The following LGALS12 variants were observed in gnomAD, a reference collection of about 807,000 sequenced individuals.
LGALS12 encodes galectin-12.
Under a neutral mutation model 36.8 loss-of-function variants are expected in LGALS12, and 36 were observed. The observed-to-expected ratio is 0.98, with a 90% CI of 0.75 to 1.29. The LOEUF is 1.29. Ranked by LOEUF, LGALS12 falls within the 50% of genes most tolerant of loss-of-function variation. LGALS12 has a pLI of 0.00. For synonymous variants in LGALS12, 145 were observed against 155.9 expected (o/e 0.93, Z 0.52); for missense variants, 366 against 394.3 (o/e 0.93, Z 0.61).
Position 63,508,559 on chromosome 11 carries a change from C to G in LGALS12, c.76C>G (p.Pro26Ala). 6.2e-7 allele frequency: 1 copy of G among 1,614,156 alleles called. No individual in the cohort carries two copies. Among genetic ancestry groups the G allele is most frequent in the Non-Finnish European group, 8.5e-7 (1 of 1,180,020 alleles). Residue 26 changes from proline (P) to alanine (A), a missense_variant, in exon 2 of 9, where the codon CCT (proline) becomes GCT (alanine). Transcript: ENST00000394618. ...LQPPVFHPVVPYVTTIFGGLH... is the reference protein window; with the variant it reads ...LQPPVFHPVVAYVTTIFGGLH... ...AGTTTCTTTTCTTGTTCAGGTGGTT[C>G]CTTATGTCACGACGATTTTTGGAGG...
chr11:63,509,649 A>G, intron 3 of LGALS12, 129 bp from the exon 4 acceptor site: 1 of 918,544 alleles, frequency 1.1e-6, no homozygotes, highest in Non-Finnish European at 1.7e-6. Context: ...AAATGTACCT[A>G]CCTCATAGAG....
intron 1 of LGALS12, chr11:63,508,172 C>A: frequency 1.9e-6 from 2 of 1,073,956 alleles, no homozygotes; most frequent in Admixed American, 4.9e-5. Context: ...TAGTCTCCAG[C>A]CACTCAACAG....
chr11:63,512,892 C>T (rs529760777), intron 7 of LGALS12, among the ~76,000 whole-genome samples: 32 of 152,002 alleles, frequency 2.1e-4, no homozygotes, highest in African/African-American at 7.0e-4. Flanking sequence ...AATGTGGGTA[C>T]TACTGCAATC....
At chr11:63,515,471 C>A in intron 7 of LGALS12, 92 bp from the exon 8 acceptor site, 1 of 1,462,468 alleles carries the variant, frequency 6.8e-7, no homozygotes, top group Admixed American at 1.9e-5. Context: ...ACCTTCCATC[C>A]ACTCCCTGAC....
chr11:63,514,051 A>G (rs1327500061), intron 7 of LGALS12, among the ~76,000 whole-genome samples: 2 of 152,186 alleles, frequency 1.3e-5, no homozygotes, highest in Non-Finnish European at 2.9e-5. Flanking sequence ...TCCACTCTCC[A>G]GGGTTCCTGC....
At position 63,506,230 on chromosome 11, in the gene LGALS12, A is replaced by C; in HGVS notation, c.-229A>C. 1.4e-6 allele frequency: 1 copy of C among 703,608 alleles called. No individual in the cohort carries two copies. The highest frequency in any genetic ancestry group is 2.7e-5 in the East Asian group (1 of 36,452). 43.6% of individuals were successfully genotyped at this position (703,608 alleles called of 1,614,324 possible). Reference sequence around the variant, plus strand: ...TTCTGCTGACAGCCCCCGCCCAGCCAGAGCTCTGCTGTATACCACCGGGAG... The same window carrying C: ...TTCTGCTGACAGCCCCCGCCCAGCCCGAGCTCTGCTGTATACCACCGGGAG... On this transcript the variant is annotated 5_prime_UTR_variant, in exon 1 of 9. Coordinates refer to ENST00000394618, the MANE Select transcript of LGALS12 (RefSeq NM_033101.4).
Position 63,508,643 on chromosome 11 carries a change from T to C in LGALS12, c.158+2T>C. 1.9e-6 allele frequency: 3 copies of C among 1,613,962 alleles called. No homozygotes were observed. The highest frequency in any genetic ancestry group is 2.5e-6 in the Non-Finnish European group (3 of 1,179,980). On this transcript the variant is annotated splice_donor_variant, in intron 2 of 8. Transcript: ENST00000394618. LOFTEE classifies it high-confidence loss of function. Reference sequence around the variant, plus strand: ...AGTGGTCCCTCTAGATGCACACAGGTAAGGCGGGGGAGGTGGCCCAGGGGG... The same window carrying C: ...AGTGGTCCCTCTAGATGCACACAGGCAAGGCGGGGGAGGTGGCCCAGGGGG...
At chr11:63,511,972 A>T (rs1331634281) in intron 7 of LGALS12, 132 bp downstream of exon 7, 1 of 710,820 alleles carries the variant, frequency 1.4e-6, no homozygotes, top group Non-Finnish European at 2.5e-6. Flanking sequence ...GAAACAGAGG[A>T]GCAGAAAGGA....
In LGALS12 at chr11:63,506,323, G is replaced by A. The variant is rs539075308; in HGVS notation, c.-136G>A. 1.2e-4 allele frequency: 186 copies of A among 1,592,498 alleles called. No homozygotes were observed. The African/African-American group carries it at 1.7e-3, about 14-fold the overall frequency. Reference sequence around the variant, plus strand: ...GGGCTGCTCCAGACAGCATTAAAACGCTGCAGGTCGCAGGTGAGACTAACA... The same window carrying A: ...GGGCTGCTCCAGACAGCATTAAAACACTGCAGGTCGCAGGTGAGACTAACA... On this transcript the variant is annotated 5_prime_UTR_variant, in exon 1 of 9. Transcript: ENST00000394618.
chr11:63,508,797 T>C lies in LGALS12; in HGVS notation c.178T>C (p.Cys60Arg), dbSNP rs139877987. Residue 60 changes from cysteine (C) to arginine (R), a missense_variant, in exon 3 of 9, where the codon TGT becomes CGT. Cys to Arg is a radical substitution (Grantham distance 180). Transcript: ENST00000394618. ...CAGTAGGTTTCAGGTGGACTTCCAG[T>C]GTGGCTGCAGCCTGTGTCCCCGGCC... ...DAHRFQVDFQ[C>R]GCSLCPRPDI... 9.4e-5 allele frequency: 151 copies of C among 1,614,046 alleles called. No individual in the cohort carries two copies. The highest frequency in any genetic ancestry group is 1.1e-4 in the Non-Finnish European group (135 of 1,180,020).
chr11:63,508,481 C>G (rs898005837), intron 1 of LGALS12, 72 bp from the exon 2 acceptor site: 22 of 1,589,368 alleles, frequency 1.4e-5, no homozygotes, highest in Admixed American at 1.9e-5. Context: ...TCCTTTCCTC[C>G]CACTCGCCTG....
At position 63,506,143 on chromosome 11, in the gene LGALS12, G is replaced by C. The variant is rs528005558; in HGVS notation, c.-316G>C. The stretch of plus-strand genomic sequence containing the variant: ...TGGCTTCTCTCTGCAATGGCCATGT[G>C]CTGCAGACCCGGAGTGGGTAGTTAG... On this transcript the variant is annotated 5_prime_UTR_variant, in exon 1 of 9. Coordinates refer to ENST00000394618, the MANE Select transcript of LGALS12 (RefSeq NM_033101.4). 3 of 486,582 alleles carry C rather than the reference G, an allele frequency of 6.2e-6. No homozygotes were observed. The highest frequency in any genetic ancestry group is 1.1e-5 in the Non-Finnish European group (3 of 270,030). The allele number at this position is 486,582 out of a possible 1,614,324, so 30.1% of individuals were successfully genotyped here.
chr11:63,511,766 A>G lies in LGALS12; in HGVS notation c.573A>G (p.Ser191=). 6.2e-7 allele frequency: 1 copy of G among 1,613,424 alleles called. No homozygotes were observed. Among genetic ancestry groups the G allele is most frequent in the Non-Finnish European group, 8.5e-7 (1 of 1,179,662 alleles). The part of the protein sequence containing the change: ...LMSPRLEVPC[S]HALPQGLSPG... ...TGTTCCTTCAGGAGGTGCCCTGCTC[A>G]CATGCTCTTCCCCAGGGTCTCTCGC... is the stretch of plus-strand genomic sequence containing the variant. The change falls in exon 7 of 9, where the codon TCA becomes TCG. Residue 191 remains serine, a synonymous_variant. Transcript: ENST00000394618.
chr11:63,510,437 T>C (rs542887355), intron 4 of LGALS12, 26 bp from the exon 5 acceptor site: 9 of 1,613,654 alleles, frequency 5.6e-6, no homozygotes, highest in African/African-American at 2.7e-5. Flanking sequence ...TAAATGCTGC[T>C]GATTCTTTTC....
At chr11:63,510,820 C>A (rs2016896499) in intron 5 of LGALS12, among the ~76,000 whole-genome samples, 1 of 152,190 alleles carries the variant, frequency 6.6e-6, no homozygotes, top group Non-Finnish European at 1.5e-5. Context: ...TCTTGCGGGA[C>A]AGAAGGGGAG....
intron 1 of LGALS12, among the ~76,000 whole-genome samples, chr11:63,507,731 T>C (rs2016784645): frequency 7.5e-6 from 1 of 133,072 alleles, no homozygotes; most frequent in Admixed American, 8.6e-5. Context: ...ACTTCTTTTT[T>C]TTTTTTTTTT....
chr11:63,508,500 G>T (rs1459360685), intron 1 of LGALS12, 53 bp from the exon 2 acceptor site: 1 of 1,608,658 alleles, frequency 6.2e-7, no homozygotes, highest in Non-Finnish European at 8.5e-7. Context: ...TGACATAGAG[G>T]TCCCTAAGCC....
In LGALS12 at chr11:63,508,813, G is replaced by T; in HGVS notation, c.194G>T (p.Cys65Phe). ...QVDFQCGCSL[C>F]PRPDIAFHFN... ...GACTTCCAGTGTGGCTGCAGCCTGTGTCCCCGGCCAGATATCGCCTTCCAC... is the reference window on the plus strand; with the variant it reads ...GACTTCCAGTGTGGCTGCAGCCTGTTTCCCCGGCCAGATATCGCCTTCCAC... Residue 65 changes from cysteine (C) to phenylalanine (F), a missense_variant, in exon 3 of 9, where the codon TGT becomes TTT. Coordinates refer to ENST00000394618, the MANE Select transcript of LGALS12 (RefSeq NM_033101.4). 1 of 1,614,214 alleles carries T rather than the reference G, an allele frequency of 6.2e-7. No individual in the cohort carries two copies. The highest frequency in any genetic ancestry group is 8.5e-7 in the Non-Finnish European group (1 of 1,180,044).
chr11:63,511,780 A>G lies in LGALS12; in HGVS notation c.587A>G (p.Gln196Arg). 2 of 1,613,676 alleles carry G rather than the reference A, an allele frequency of 1.2e-6. No homozygotes were observed. Among genetic ancestry groups the G allele is most frequent in the Non-Finnish European group, 1.7e-6 (2 of 1,179,860 alleles). ...LEVPCSHALP[Q>R]GLSPGQVIIV... ...GTGCCCTGCTCACATGCTCTTCCCC[A>G]GGGTCTCTCGCCTGGGCAGGTCATC... The change falls in exon 7 of 9, where the codon CAG becomes CGG. Residue 196 changes from glutamine to arginine, a missense_variant. Gln to Arg is a conservative substitution (Grantham distance 43, BLOSUM62 1). Transcript: ENST00000394618.
Sources: allele counts gnomAD v4.1 joint callset (sites outside exome capture counted in the v4.1 genomes callset), GRCh38; gene constraint gnomAD v4.1.1; transcripts MANE v1.5; gene names NCBI Gene and HGNC (gene_info 2026-07-23, HGNC 2026-07-21).